The following RAB33B variants were observed in gnomAD, a reference collection of about 807,000 sequenced individuals.
RAB33B encodes ras-related protein Rab-33B.
Under a neutral mutation model 15.0 loss-of-function variants are expected in RAB33B, and 6 were observed. That is an observed-to-expected ratio of 0.40 (90% CI 0.22 to 0.79). RAB33B has a LOEUF of 0.79. Among genes scored for constraint, RAB33B ranks in the 30% least tolerant of loss-of-function variants. The pLI, the probability that RAB33B is intolerant of heterozygous loss-of-function variation, is 0.37. For synonymous variants in RAB33B, 117 were observed against 108.3 expected (o/e 1.08, Z -0.50); for missense variants, 257 against 296.4 (o/e 0.87, Z 0.98).
chr4:139,473,226 T>G lies in RAB33B; in HGVS notation c.*100T>G. ...ATTTAATCTCAACTATAATGGGTCA[T>G]CTTGACACTTTGCTGTTTGTCATTG... On this transcript the variant is annotated 3_prime_UTR_variant, in exon 2 of 2. Coordinates refer to ENST00000305626, the MANE Select transcript of RAB33B (RefSeq NM_031296.3). 1 of 1,029,348 alleles carries G rather than the reference T, an allele frequency of 9.7e-7. No individual in the cohort carries two copies. The highest frequency in any genetic ancestry group is 1.9e-5 in the South Asian group (1 of 53,818). 63.8% of individuals were successfully genotyped at this position (1,029,348 alleles called of 1,614,324 possible). A position where few individuals can be genotyped will look rare whatever the true frequency, so the allele number is the denominator to read the frequency against.
At chr4:139,463,709 T>A (rs13137346) in intron 1 of RAB33B, among the ~76,000 whole-genome samples, 31,146 of 152,142 alleles carry the variant, frequency 0.2, 3,522 homozygotes, top group Non-Finnish European at 0.26. Flanking sequence ...TGTCTGTCTG[T>A]CTGTCTCCTT....
intron 1 of RAB33B, among the ~76,000 whole-genome samples, chr4:139,466,260 T>G (rs1324619065): frequency 6.6e-6 from 1 of 152,216 alleles, no homozygotes; most frequent in Non-Finnish European, 1.5e-5. Flanking sequence ...ATAAATGACA[T>G]GCATGTTTGT....
chr4:139,462,939 G>T (rs774787418), intron 1 of RAB33B, among the ~76,000 whole-genome samples: 1 of 152,156 alleles, frequency 6.6e-6, no homozygotes, highest in Non-Finnish European at 1.5e-5. Context: ...ACTTTGGGAG[G>T]CCGATCAGTT....
the RAB33B span, among the ~76,000 whole-genome samples, chr4:139,442,048 C>T: frequency 1.6e-4 from 25 of 152,158 alleles, no homozygotes; most frequent in Admixed American, 5.9e-4. Context: ...ATCACGGTTG[C>T]GATTTTCTCC....
upstream of RAB33B, chr4:139,451,983 T>C (rs1367590210): frequency 6.6e-6 from 1 of 152,226 alleles, no homozygotes; most frequent in Non-Finnish European, 1.5e-5. Flanking sequence ...TCTGGGGTTA[T>C]TCAATTAAGA....
chr4:139,459,790 C>A (rs1376965096), intron 1 of RAB33B, among the ~76,000 whole-genome samples: 1 of 152,044 alleles, frequency 6.6e-6, no homozygotes, highest in South Asian at 2.1e-4. Flanking sequence ...CCTGCCACCC[C>A]ACCCCGCTAA....
intron 1 of RAB33B, among the ~76,000 whole-genome samples, chr4:139,464,400 T>TG (rs978206700): frequency 4.7e-5 from 7 of 149,482 alleles, no homozygotes; most frequent in East Asian, 2.0e-4. Context: ...TTTTTTTTTT[T>TG]TTTTTTTTTT....
chr4:139,455,547 T>A (rs1196972047), intron 1 of RAB33B, among the ~76,000 whole-genome samples: 1 of 152,186 alleles, frequency 6.6e-6, no homozygotes, highest in African/African-American at 2.4e-5. Flanking sequence ...TGAAGTAAGC[T>A]GGGTTAAAAG....
At chr4:139,453,694 C>T (rs1445033740), upstream of RAB33B, 9 of 152,640 alleles carry the variant, frequency 5.9e-5, no homozygotes, top group Admixed American at 3.9e-4. Context: ...CCGTTGCTCT[C>T]CAGGTACACG....
chr4:139,452,227 G>C (rs1749940505), upstream of RAB33B: 1 of 152,192 alleles, frequency 6.6e-6, no homozygotes, highest in East Asian at 1.9e-4. Flanking sequence ...CAGTAGTCAA[G>C]AGTTGGCAAT....
Position 139,473,372 on chromosome 4 carries a change from A to G in RAB33B, c.*246A>G. The G allele has an allele frequency of 4.2e-6, 2 of 480,474 alleles. No individual in the cohort carries two copies. Among genetic ancestry groups the G allele is most frequent in the East Asian group, 3.3e-5 (1 of 29,918 alleles). 29.8% of individuals were successfully genotyped at this position (480,474 alleles called of 1,614,324 possible). A position where few individuals can be genotyped will look rare whatever the true frequency, so the allele number is the denominator to read the frequency against. ...GATGAATCTGAACATCTCTCCATCTAGAGCCCAATGAAGGAAGCTTCAAAT... is the reference window on the plus strand; with the variant it reads ...GATGAATCTGAACATCTCTCCATCTGGAGCCCAATGAAGGAAGCTTCAAAT... On this transcript the variant is annotated 3_prime_UTR_variant, in exon 2 of 2. Coordinates refer to ENST00000305626, the MANE Select transcript of RAB33B (RefSeq NM_031296.3).
chr4:139,464,640 T>G (rs1317483106), intron 1 of RAB33B, among the ~76,000 whole-genome samples: 1 of 152,160 alleles, frequency 6.6e-6, no homozygotes, highest in Non-Finnish European at 1.5e-5. Flanking sequence ...CATGCGGTGT[T>G]TGGTTTTCTG....
chr4:139,454,506 C>A, intron 1 of RAB33B, 62 bp downstream of exon 1: 1 of 1,554,546 alleles, frequency 6.4e-7, no homozygotes, highest in Non-Finnish European at 8.7e-7. Flanking sequence ...CCACCGTGGG[C>A]TGGTCGCTGG....
chr4:139,464,390 T>G (rs1212157548), intron 1 of RAB33B, among the ~76,000 whole-genome samples: 5 of 78,364 alleles, frequency 6.4e-5, no homozygotes, highest in African/African-American at 1.7e-4. Flanking sequence ...AATACTGTTT[T>G]TTTTTTTTTT....
At chr4:139,442,699 C>G in the RAB33B span, among the ~76,000 whole-genome samples, 5 of 152,290 alleles carry the variant, frequency 3.3e-5, no homozygotes, top group East Asian at 7.7e-4. Context: ...CTCGGACTGG[C>G]TTCCTTTCTT....
In RAB33B at chr4:139,475,468, C is replaced by T. The variant is rs796958099; in HGVS notation, c.*2342C>T. 1 of 151,794 alleles carries T rather than the reference C, an allele frequency of 6.6e-6. No individual in the cohort carries two copies. Among genetic ancestry groups the T allele is most frequent in the African/African-American group, 2.4e-5 (1 of 41,530 alleles). 9.4% of individuals were successfully genotyped at this position (151,794 alleles called of 1,614,324 possible). On this transcript the variant is annotated 3_prime_UTR_variant, in exon 2 of 2. Transcript: ENST00000305626. Reference sequence around the variant, plus strand: ...TAAAATATTTGTATCTCATTTGTAACAATTTGTTTTAATTTTTTATATATA... The same window carrying T: ...TAAAATATTTGTATCTCATTTGTAATAATTTGTTTTAATTTTTTATATATA...
At chr4:139,443,793 C>T in the RAB33B span, among the ~76,000 whole-genome samples, 2 of 152,146 alleles carry the variant, frequency 1.3e-5, no homozygotes, top group Non-Finnish European at 2.9e-5. Flanking sequence ...GCGGCAACAT[C>T]CCCTCCCTGA....
chr4:139,467,635 A>G (rs139652842), intron 1 of RAB33B, among the ~76,000 whole-genome samples: 208 of 151,558 alleles, frequency 1.4e-3, no homozygotes, highest in African/African-American at 4.8e-3. Flanking sequence ...AAGCAGGCAA[A>G]TCGCTTGAGC....
chr4:139,458,965 A>G lies in RAB33B; in HGVS notation c.249+4521A>G, dbSNP rs563667087. On this transcript the variant is annotated intron_variant, in intron 1 of 1. Coordinates refer to ENST00000305626, the MANE Select transcript of RAB33B (RefSeq NM_031296.3). ...ATAGCCCTTCTGACTGGTGTGAGAT[A>G]GTATCTCATTGTGGTTTTGATTTAC... 7.9e-5 allele frequency among the ~76,000 whole-genome samples: 12 copies of G among 152,278 alleles called. 1 individual carries two copies. The South Asian group carries it at 2.5e-3, about 32-fold the overall frequency.
Sources: gnomAD v4.1 joint callset for allele counts (sites outside exome capture counted in the v4.1 genomes callset) on GRCh38, gnomAD v4.1.1 for gene constraint, MANE v1.5 for transcripts, NCBI Gene and HGNC (gene_info 2026-07-23, HGNC 2026-07-21) for gene names.